The following AFF2 variants were observed in gnomAD, a reference collection of about 807,000 sequenced individuals.
The protein encoded by AFF2 is ALF transcription elongation factor 2, also known as AF4/FMR2 family member 2.
AFF2 carries 14 observed loss-of-function variants against 76.9 expected under a neutral mutation model. The observed-to-expected ratio is 0.18, with a 90% CI of 0.12 to 0.28. The LOEUF (loss-of-function observed/expected upper bound fraction) is 0.28, where lower values mean the gene tolerates loss of function less well. Among genes scored for constraint, AFF2 ranks in the 10% least tolerant of loss-of-function variants. AFF2 has a pLI of 1.00. For synonymous variants in AFF2, 398 were observed against 366.7 expected, an observed-to-expected ratio of 1.09 and a Z score of -0.98; for missense variants, 868 against 1,001.1, an observed-to-expected ratio of 0.87 and a Z score of 1.79.
chrX:148,861,106 G>T (rs2070843100), intron 7 of AFF2, among the ~76,000 whole-genome samples: 1 of 111,814 alleles, frequency 8.9e-6, no homozygotes, highest in Admixed American at 9.5e-5. Flanking sequence ...AATCATGTAT[G>T]TGTCACTAAG....
rs1557231602 is a variant in AFF2 at position 148,500,691 on chromosome X, C to CGCCG, written c.-407_-406insGCCG. The CGCCG allele has an allele frequency of 1.1e-5, 1 of 91,592 alleles. No homozygotes were observed. The highest frequency in any genetic ancestry group is 2.2e-5 in the Non-Finnish European group (1 of 45,323). 7.5% of individuals were successfully genotyped at this position (91,592 alleles called of 1,213,427 possible). ...CCGCCGCCGCCGCCGCCGCTGCCGC[C>CGCCG]CCGGCTGCCGCGCCGCGCCGCTGCC... On this transcript the variant is annotated 5_prime_UTR_variant, in exon 1 of 21. Transcript: ENST00000370460.
intron 1 of AFF2, among the ~76,000 whole-genome samples, chrX:148,642,544 G>A (rs1384650906): frequency 8.9e-6 from 1 of 111,987 alleles, no homozygotes; most frequent in Non-Finnish European, 1.9e-5. Context: ...AAATACTTCA[G>A]GTAGCTTTTT....
intron 3 of AFF2, among the ~76,000 whole-genome samples, chrX:148,808,623 T>C (rs191324344): frequency 1.1e-3 from 127 of 112,152 alleles, no homozygotes; most frequent in Non-Finnish European, 2.1e-3. Context: ...GGGGCTATAC[T>C]GGGCCATCTA....
intron 12 of AFF2, among the ~76,000 whole-genome samples, chrX:148,960,713 A>C (rs1374665916): frequency 8.9e-6 from 1 of 112,014 alleles, no homozygotes; most frequent in Non-Finnish European, 1.9e-5. Context: ...AAGATTCCAC[A>C]CCAGACTATG....
intron 9 of AFF2, among the ~76,000 whole-genome samples, chrX:148,908,173 C>A (rs1339987890): frequency 9.0e-6 from 1 of 110,899 alleles, no homozygotes; most frequent in Non-Finnish European, 1.9e-5. Context: ...GCTCTACAAG[C>A]AATTTGTGCA....
Position 148,862,832 on chromosome X carries a change from A to G in AFF2, c.1262+19399A>G, listed in dbSNP as rs570794587. On this transcript the variant is annotated intron_variant, in intron 7 of 20. Transcript: ENST00000370460. ...TTACAACAACAATGAATACACAAGCAATTTATAATTTTCATTATTTCTTAT... is the reference window on the plus strand; with the variant it reads ...TTACAACAACAATGAATACACAAGCGATTTATAATTTTCATTATTTCTTAT... 6.2e-5 allele frequency among the ~76,000 whole-genome samples: 7 copies of G among 112,169 alleles called. No individual in the cohort carries two copies. The Middle Eastern group carries it at 0.014, about 225-fold the overall frequency.
At chrX:148,534,497 T>C (rs782498513) in intron 1 of AFF2, among the ~76,000 whole-genome samples, 8 of 112,924 alleles carry the variant, frequency 7.1e-5, no homozygotes, top group African/African-American at 2.2e-4. Flanking sequence ...TAGTCTGCAT[T>C]TGAATTCCAG....
chrX:148,536,209 T>C (rs2052784535), intron 1 of AFF2, among the ~76,000 whole-genome samples: 1 of 104,821 alleles, frequency 9.5e-6, no homozygotes, highest in Non-Finnish European at 2.0e-5. Flanking sequence ...AGACTCTGTC[T>C]CAAAAAAAAA....
chrX:148,708,798 G>C (rs889761474), intron 3 of AFF2, among the ~76,000 whole-genome samples: 1 of 112,401 alleles, frequency 8.9e-6, no homozygotes, highest in East Asian at 2.8e-4. Context: ...TCTGAAGTTT[G>C]CAGATATGCC....
Position 148,978,414 on chromosome X carries a change from C to A in AFF2, c.3529C>A (p.His1177Asn). 8.3e-7 allele frequency: 1 copy of A among 1,202,045 alleles called. No homozygotes were observed. Among genetic ancestry groups the A allele is most frequent in the Non-Finnish European group, 1.1e-6 (1 of 886,616 alleles). Residue 1177 changes from histidine (H) to asparagine (N), a missense_variant, in exon 18 of 21, where the codon CAT becomes AAT. Transcript: ENST00000370460. ...GAGAATGTTTAAGCTGAAGAAGGAC[C>A]ATGCTATGAAGTACTCCAGATCACT... ...YLRMFKLKKD[H>N]AMKYSRSLME...
At chrX:148,804,550 T>C (rs1462172515) in intron 3 of AFF2, among the ~76,000 whole-genome samples, 1 of 112,604 alleles carries the variant, frequency 8.9e-6, no homozygotes, top group Non-Finnish European at 1.9e-5. Context: ...ACTTTTCTGG[T>C]GCATATTACC....
At chrX:148,938,565 G>T (rs782072975) in intron 9 of AFF2, among the ~76,000 whole-genome samples, 1 of 112,213 alleles carries the variant, frequency 8.9e-6, no homozygotes, top group South Asian at 3.7e-4. Context: ...CACCGCAAAA[G>T]TTGCTTTGGT....
chrX:148,683,866 C>CT (rs1196073781), intron 3 of AFF2, among the ~76,000 whole-genome samples: 1 of 111,225 alleles, frequency 9.0e-6, no homozygotes, highest in Admixed American at 9.6e-5. Flanking sequence ...GCATCGCTGA[C>CT]TTTTTTTTGG....
At chrX:148,548,441 T>C (rs549202861) in intron 1 of AFF2, among the ~76,000 whole-genome samples, 2 of 111,811 alleles carry the variant, frequency 1.8e-5, no homozygotes, top group South Asian at 7.5e-4. Flanking sequence ...TATTTTATTT[T>C]ATTATTTTTT....
rs187061605 is a variant in AFF2, at chrX:148,955,513, A to G, written c.1558-90A>G. On this transcript the variant is annotated intron_variant, in intron 10 of 20. Coordinates refer to ENST00000370460, the MANE Select transcript of AFF2 (RefSeq NM_002025.4). Reference sequence around the variant, plus strand: ...TGTGTGAACAGTCACTTGACATCCAAAGCTTTTAGTAGTAGTCTCTGTACT... The same window carrying G: ...TGTGTGAACAGTCACTTGACATCCAGAGCTTTTAGTAGTAGTCTCTGTACT... The G allele has an allele frequency of 2.9e-3, 2,844 of 990,948 alleles. 50 individuals carry two copies. In the South Asian group the frequency reaches 0.059, roughly 21 times the overall value. The allele number at this position is 990,948 out of a possible 1,213,427, so 81.7% of individuals were successfully genotyped here.
intron 5 of AFF2, among the ~76,000 whole-genome samples, chrX:148,839,846 C>T (rs1482087849): frequency 1.8e-5 from 2 of 108,530 alleles, no homozygotes; most frequent in Admixed American, 2.0e-4. Flanking sequence ...CTGTGTGGTC[C>T]TGTTCAAGTT....
intron 7 of AFF2, among the ~76,000 whole-genome samples, chrX:148,853,794 C>A (rs1398682962): frequency 2.7e-5 from 3 of 112,077 alleles, no homozygotes; most frequent in African/African-American, 6.5e-5. Context: ...GTGTGCCACT[C>A]CTCTCCTAAT....
chrX:148,563,503 G>A (rs1458131177), intron 1 of AFF2, among the ~76,000 whole-genome samples: 1 of 111,423 alleles, frequency 9.0e-6, no homozygotes, highest in Non-Finnish European at 1.9e-5. Flanking sequence ...GTGTGTGTGT[G>A]TGCATGCTGG....
chrX:148,727,930 G>A, intron 3 of AFF2, among the ~76,000 whole-genome samples: 1 of 112,083 alleles, frequency 8.9e-6, no homozygotes, highest in Non-Finnish European at 1.9e-5. Context: ...AAAAGATACT[G>A]TATTTTGTAT....
Sources: gnomAD v4.1 joint callset for allele counts (sites outside exome capture counted in the v4.1 genomes callset) on GRCh38, gnomAD v4.1.1 for gene constraint, MANE v1.5 for transcripts, NCBI Gene and HGNC (gene_info 2026-07-23, HGNC 2026-07-21) for gene names.